Variants in SEMA3B observed in about 807,000 individuals in gnomAD.
SEMA3B encodes semaphorin-3B.
A neutral mutation model predicts 77.8 loss-of-function variants in SEMA3B; 71 were observed. The ratio of observed to expected loss-of-function variants is 0.91; its 90% CI spans 0.75 to 1.11. The LOEUF (loss-of-function observed/expected upper bound fraction) is 1.11, where lower values mean the gene tolerates loss of function less well. Ranked by LOEUF, SEMA3B falls within the 50% of genes most tolerant of loss-of-function variation. The pLI is 0.00. For missense variants in SEMA3B, 968 were observed against 1,056.8 expected (o/e 0.92, Z 1.17); for synonymous variants, 470 against 452.9 (o/e 1.04, Z -0.48).
At position 50,274,811 on chromosome 3, in the gene SEMA3B, C is replaced by T; in HGVS notation, c.1358-32C>T. ...CACTAGCCCCAGCTGTCCGGGAGCA[C>T]CAATGGTCATTACCCCTTCTCATCC... On this transcript the variant is annotated intron_variant, in intron 11 of 16. Transcript: ENST00000616701. This position sits in a 1 kb window ranked among gnomAD's most constrained non-coding sequence, Gnocchi z 4.7. The T allele has an allele frequency of 1.2e-6, 2 of 1,604,160 alleles. No homozygotes were observed. The highest frequency in any genetic ancestry group is 1.1e-5 in the South Asian group (1 of 89,778).
At chr3:50,262,331 G>A in the SEMA3B span, 109 of 152,262 alleles carry the variant, frequency 7.2e-4, no homozygotes, top group African/African-American at 2.6e-3. Flanking sequence ...ACTGGATGTA[G>A]TGGCTCATGC....
rs1701224767 is a variant in SEMA3B at position 50,275,981 on chromosome 3, C to G, written c.1845+137C>G. On this transcript the variant is annotated intron_variant, in intron 16 of 16. Transcript: ENST00000616701. The surrounding 1 kb of genome is among the most constrained non-coding windows in gnomAD (Gnocchi z 7.5). ...TCCAGTTTGGTCCCTCACCTGCACT[C>G]CACAAGCTGCTGAGGCCCCATTGCG... The G allele has an allele frequency of 2.5e-6, 3 of 1,192,248 alleles. No homozygotes were observed. The highest frequency in any genetic ancestry group is 2.3e-6 in the Non-Finnish European group (2 of 879,178). The allele number at this position is 1,192,248 out of a possible 1,614,324, so 73.9% of individuals were successfully genotyped here. A position where few individuals can be genotyped will look rare whatever the true frequency, so the allele number is the denominator to read the frequency against.
In SEMA3B at chr3:50,275,422, G is replaced by A. The variant is rs782038714; in HGVS notation, c.1612G>A (p.Gly538Arg). The change falls in exon 14 of 17, where the codon GGG (glycine) becomes AGG (arginine). Residue 538 changes from glycine (G) to arginine (R), a missense_variant. Transcript: ENST00000616701. This position sits in a 1 kb window ranked among gnomAD's most constrained non-coding sequence, Gnocchi z 7.5. The stretch of plus-strand genomic sequence containing the variant: ...GCGTGACCCCTACTGCGCCTGGGAC[G>A]GGGTCGCGTGCACGCGCTTCCAGCC... ...LARDPYCAWD[G>R]VACTRFQPSA... is the part of the protein sequence containing the mutation. 1.1e-5 allele frequency: 17 copies of A among 1,603,044 alleles called. No individual in the cohort carries two copies. The highest frequency in any genetic ancestry group is 3.4e-5 in the Admixed American group (2 of 58,412).
intron 6 of SEMA3B, among the ~76,000 whole-genome samples, chr3:50,271,774 C>A (rs1252125423): frequency 2.6e-5 from 4 of 152,174 alleles, no homozygotes; most frequent in Non-Finnish European, 5.9e-5. Context: ...AAGGAAGCCG[C>A]TGTGCTGAGG....
At position 50,274,043 on chromosome 3, in the gene SEMA3B, C is replaced by CCT. The variant is rs1553706012; in HGVS notation, c.1124_1125insTC (p.Pro377GlyfsTer83). The CCT allele has an allele frequency of 6.2e-7, 1 of 1,613,454 alleles. No individual in the cohort carries two copies. Among genetic ancestry groups the CCT allele is most frequent in the Non-Finnish European group, 8.5e-7 (1 of 1,179,726 alleles). On this transcript the variant is annotated frameshift_variant, in exon 10 of 17. Coordinates refer to ENST00000616701, the MANE Select transcript of SEMA3B (RefSeq NM_001290060.2). LOFTEE classifies it high-confidence loss of function. This position sits in a 1 kb window ranked among gnomAD's most constrained non-coding sequence, Gnocchi z 4.7. ...GTCATACCAGGGTCGCGTCCCCTACCCGCGGCCAGGCATGGTTCGTAGCCC... is the reference window on the plus strand; with the variant it reads ...GTCATACCAGGGTCGCGTCCCCTACCCTCGCGGCCAGGCATGGTTCGTAGCCC...
At position 50,276,420 on chromosome 3, in the gene SEMA3B, T is replaced by C; in HGVS notation, c.1964T>C (p.Leu655Pro). Residue 655 changes from leucine (L) to proline (P), a missense_variant, in exon 17 of 17, where the codon CTG (leucine) becomes CCG (proline). Leu to Pro is a moderately conservative substitution (Grantham distance 98). Coordinates refer to ENST00000616701, the MANE Select transcript of SEMA3B (RefSeq NM_001290060.2). This position sits in a 1 kb window ranked among gnomAD's most constrained non-coding sequence, Gnocchi z 5.8. ...GTCGAGCAGGGCTTTACGCAACCGC[T>C]GCGTCGCCTGTCGCTGCACGTGTTG... ...AAVEQGFTQP[L>P]RRLSLHVLSA... 1 of 1,536,450 alleles carries C rather than the reference T, an allele frequency of 6.5e-7. No homozygotes were observed. Among genetic ancestry groups the C allele is most frequent in the Non-Finnish European group, 8.7e-7 (1 of 1,145,886 alleles).
rs1553706578 is a variant in SEMA3B, at chr3:50,275,867, C to T, written c.1845+23C>T. Reference sequence around the variant, plus strand: ...CAGGTGAGCCTTACTCCGCCCTCCCCGCCAGGCTCCTGTCCCACCCCCTGC... The same window carrying T: ...CAGGTGAGCCTTACTCCGCCCTCCCTGCCAGGCTCCTGTCCCACCCCCTGC... On this transcript the variant is annotated intron_variant, in intron 16 of 16. Transcript: ENST00000616701. This position sits in a 1 kb window ranked among gnomAD's most constrained non-coding sequence, Gnocchi z 7.5. The T allele has an allele frequency of 6.4e-7, 1 of 1,561,284 alleles. No individual in the cohort carries two copies. The highest frequency in any genetic ancestry group is 8.6e-7 in the Non-Finnish European group (1 of 1,157,850).
Position 50,270,280 on chromosome 3 carries a change from A to G in SEMA3B, c.263A>G (p.Lys88Arg). 1 of 1,613,414 alleles carries G rather than the reference A, an allele frequency of 6.2e-7. No homozygotes were observed. The highest frequency in any genetic ancestry group is 8.5e-7 in the Non-Finnish European group (1 of 1,179,638). ...CTGGACAACATCAGCAAGCGGGCCA[A>G]GAAGGTGCCAGGGACTCCCAACCCC... ...LNLDNISKRAKKLAWPAPVEW... is the reference protein window; with the variant it reads ...LNLDNISKRARKLAWPAPVEW... The change falls in exon 2 of 17, where the codon AAG becomes AGG. Residue 88 changes from lysine (K) to arginine (R), a missense_variant. By Grantham distance (26) the Lys-to-Arg change is conservative. Transcript: ENST00000616701. This position sits in a 1 kb window ranked among gnomAD's most constrained non-coding sequence, Gnocchi z 4.7.
chr3:50,275,317 G>T lies in SEMA3B; in HGVS notation c.1507G>T (p.Ala503Ser). 1.3e-6 allele frequency: 2 copies of T among 1,574,214 alleles called. No homozygotes were observed. The highest frequency in any genetic ancestry group is 8.6e-7 in the Non-Finnish European group (1 of 1,161,680). ...ISSKRHQLYV[A>S]SRSAVAQIAL... ...TGCCCCCTAGCACCAGCTGTACGTA[G>T]CCTCGCGGAGCGCGGTGGCCCAGAT... Residue 503 changes from alanine (A) to serine (S), a missense_variant, in exon 14 of 17, where the codon GCC becomes TCC. Coordinates refer to ENST00000616701, the MANE Select transcript of SEMA3B (RefSeq NM_001290060.2). This position sits in a 1 kb window ranked among gnomAD's most constrained non-coding sequence, Gnocchi z 7.5.
rs782455725 is a variant in SEMA3B at position 50,274,850 on chromosome 3, C to T, written c.1365C>T (p.Gly455=). The change falls in exon 12 of 17, where the codon GGC becomes GGT. Residue 455 remains glycine (G), a synonymous_variant. Transcript: ENST00000616701. The surrounding 1 kb of genome is among the most constrained non-coding windows in gnomAD (Gnocchi z 4.7). ...CCCTTCTCATCCCTGCAGACGTTGG[C>T]ACGGTGCTGAAGGTGATCTCGGTCC... ...YDVLFIGTDV[G]TVLKVISVPK... is the part of the protein sequence containing the mutation. 1 of 1,610,916 alleles carries T rather than the reference C, an allele frequency of 6.2e-7. No individual in the cohort carries two copies. Among genetic ancestry groups the T allele is most frequent in the East Asian group, 2.2e-5 (1 of 44,872 alleles).
intron 6 of SEMA3B, among the ~76,000 whole-genome samples, chr3:50,272,581 T>G (rs1428384174): frequency 3.3e-5 from 5 of 151,988 alleles, no homozygotes; most frequent in South Asian, 2.1e-4. Context: ...CATGATGGTG[T>G]GCATCTGTAA....
At position 50,271,619 on chromosome 3, in the gene SEMA3B, C is replaced by T. The variant is rs587746689; in HGVS notation, c.664+139C>T. Reference sequence around the variant, plus strand: ...CCTCCTTAATCAGGCACTGGCGTCACAGAGACAGACAAGACAGGTATGACC... The same window carrying T: ...CCTCCTTAATCAGGCACTGGCGTCATAGAGACAGACAAGACAGGTATGACC... On this transcript the variant is annotated intron_variant, in intron 6 of 16. Coordinates refer to ENST00000616701, the MANE Select transcript of SEMA3B (RefSeq NM_001290060.2). The T allele has an allele frequency of 1.7e-4, 209 of 1,242,894 alleles. 3 individuals are homozygous for T. Among genetic ancestry groups the T allele is most frequent in the Middle Eastern group, 1.6e-3 (6 of 3,720 alleles). The allele number at this position is 1,242,894 out of a possible 1,614,324, so 77.0% of individuals were successfully genotyped here.
rs1553706460 is a variant in SEMA3B at position 50,275,638 on chromosome 3, C to A, written c.1705+23C>A. 2 of 1,613,656 alleles carry A rather than the reference C, an allele frequency of 1.2e-6. No individual in the cohort carries two copies. The highest frequency in any genetic ancestry group is 1.1e-5 in the South Asian group (1 of 91,080). ...GAGGTGAGTGCCCCAGCTGCCCCTACCCTCAGCCCCAGAAGACGCCCCACC... is the reference window on the plus strand; with the variant it reads ...GAGGTGAGTGCCCCAGCTGCCCCTAACCTCAGCCCCAGAAGACGCCCCACC... On this transcript the variant is annotated intron_variant, in intron 15 of 16. Transcript: ENST00000616701. This position sits in a 1 kb window ranked among gnomAD's most constrained non-coding sequence, Gnocchi z 7.5.
chr3:50,263,804 C>A (rs1393876007), upstream of SEMA3B, among the ~76,000 whole-genome samples: 1 of 151,922 alleles, frequency 6.6e-6, no homozygotes, highest in Non-Finnish European at 1.5e-5. Flanking sequence ...GAGGAGTCCC[C>A]ACCCAGGGGA....
Position 50,274,714 on chromosome 3 carries a change from A to G in SEMA3B, c.1358-129A>G. On this transcript the variant is annotated intron_variant, in intron 11 of 16. Coordinates refer to ENST00000616701, the MANE Select transcript of SEMA3B (RefSeq NM_001290060.2). The surrounding 1 kb of genome is among the most constrained non-coding windows in gnomAD (Gnocchi z 4.7). ...GTCTCCACCCTGTGGATGCTGCCCA[A>G]CCCACACTCTTCCAGTCCACACTCT... The G allele has an allele frequency of 1.4e-6, 2 of 1,390,530 alleles. No homozygotes were observed. The highest frequency in any genetic ancestry group is 2.0e-6 in the Non-Finnish European group (2 of 1,009,862). The allele number at this position is 1,390,530 out of a possible 1,614,324, so 86.1% of individuals were successfully genotyped here. A position where few individuals can be genotyped will look rare whatever the true frequency, so the allele number is the denominator to read the frequency against.
chr3:50,269,127 C>CCGCCCT (rs1220167643), upstream of SEMA3B: 7 of 757,734 alleles, frequency 9.2e-6, no homozygotes, highest in African/African-American at 5.3e-5. The surrounding 1 kb of genome is among the most constrained non-coding windows in gnomAD (Gnocchi z 4.0). Context: ...CCCTAGCCTC[C>CCGCCCT]CGCCCTCGCC....
upstream of SEMA3B, among the ~76,000 whole-genome samples, chr3:50,264,576 CT>C (rs1463164659): frequency 2.0e-5 from 3 of 152,206 alleles, no homozygotes; most frequent in Non-Finnish European, 4.4e-5. Flanking sequence ...CTCCAGACTC[CT>C]CAGCCCTCCC....
At chr3:50,266,179 T>C (rs1553704480), upstream of SEMA3B, among the ~76,000 whole-genome samples, 2 of 152,274 alleles carry the variant, frequency 1.3e-5, no homozygotes, top group Middle Eastern at 3.4e-3. Context: ...TCTGAGGCAC[T>C]TGCTGATCCT....
In SEMA3B at chr3:50,274,404, C is replaced by G. The variant is rs782033048; in HGVS notation, c.1179C>G (p.Asp393Glu). Residue 393 changes from aspartate to glutamate, a missense_variant, in exon 11 of 17, where the codon GAC becomes GAG. Asp to Glu is a conservative substitution (Grantham distance 45, BLOSUM62 2). Coordinates refer to ENST00000616701, the MANE Select transcript of SEMA3B (RefSeq NM_001290060.2). The surrounding 1 kb of genome is among the most constrained non-coding windows in gnomAD (Gnocchi z 4.7). ...KTFGTFSSTKDFPDDVIQFAR... is the reference protein window; with the variant it reads ...KTFGTFSSTKEFPDDVIQFAR... ...TTGGCACCTTCAGTTCCACCAAGGA[C>G]TTCCCAGACGATGTCATCCAGTTTG... 6.6e-7 allele frequency: 1 copy of G among 1,507,524 alleles called. No homozygotes were observed. The highest frequency in any genetic ancestry group is 2.3e-5 in the Admixed American group (1 of 43,176). 93.4% of individuals were successfully genotyped at this position (1,507,524 alleles called of 1,614,324 possible).
Sources: allele counts gnomAD v4.1 joint callset (sites outside exome capture counted in the v4.1 genomes callset), GRCh38; gene constraint gnomAD v4.1.1; non-coding constraint Gnocchi (gnomAD v3.1); transcripts MANE v1.5; gene names NCBI Gene and HGNC (gene_info 2026-07-23, HGNC 2026-07-21).